The following MROH2A variants were observed in gnomAD, a reference collection of about 807,000 sequenced individuals.
The protein encoded by MROH2A is maestro heat like repeat family member 2A.
In MROH2A, 174 loss-of-function variants were observed where a neutral mutation model predicts 200.4. That is an observed-to-expected ratio of 0.87 (90% CI 0.77 to 0.98). The LOEUF (loss-of-function observed/expected upper bound fraction) is 0.98, where lower values mean the gene tolerates loss of function less well. Ranked by LOEUF, MROH2A falls within the 50% of genes least tolerant of loss-of-function variation. The pLI, the probability that MROH2A is intolerant of heterozygous loss-of-function variation, is 0.00. For synonymous variants in MROH2A, 829 were observed against 840.4 expected (o/e 0.99, Z 0.23); for missense variants, 2,045 against 2,139.6 (o/e 0.96, Z 0.87).
Position 233,778,402 on chromosome 2 carries a change from A to G in MROH2A, c.-94A>G. 5.9e-6 allele frequency: 1 copy of G among 169,358 alleles called. No individual in the cohort carries two copies. The allele number at this position is 169,358 out of a possible 1,614,324, so 10.5% of individuals were successfully genotyped here. A position where few individuals can be genotyped will look rare whatever the true frequency, so the allele number is the denominator to read the frequency against. On this transcript the variant is annotated 5_prime_UTR_variant, in exon 1 of 42. Transcript: ENST00000389758. Reference sequence around the variant, plus strand: ...AACCAATTCTTCCATTTGCATTTCCATTGATGTGTATTGGGCCAAGAGCAG... The same window carrying G: ...AACCAATTCTTCCATTTGCATTTCCGTTGATGTGTATTGGGCCAAGAGCAG...
At chr2:233,819,517 T>C in intron 30 of MROH2A, 48 bp downstream of exon 30, 2 of 1,531,432 alleles carry the variant, frequency 1.3e-6, no homozygotes, top group Non-Finnish European at 1.8e-6. Context: ...TGGGGCTGCC[T>C]GGTGTGCCCA....
At position 233,801,950 on chromosome 2, in the gene MROH2A, G is replaced by A. The variant is rs1275041026; in HGVS notation, c.1561-218G>A. On this transcript the variant is annotated intron_variant, in intron 14 of 41. Coordinates refer to ENST00000389758, the MANE Select transcript of MROH2A (RefSeq NM_001394639.1). ...CAACAGGGATGCTGGCCCCAGCAGG[G>A]ACTAGCAGACTCTCTTGCCACATCA... 2.6e-5 allele frequency among the ~76,000 whole-genome samples: 4 copies of A among 152,170 alleles called. No individual in the cohort carries two copies. The East Asian group carries it at 5.8e-4, about 22-fold the overall frequency.
At chr2:233,811,981 ACC>A in intron 24 of MROH2A, 22 bp downstream of exon 24, 1 of 1,515,882 alleles carries the variant, frequency 6.6e-7, no homozygotes, top group Non-Finnish European at 9.0e-7. Context: ...TCCCACCCTC[ACC>A]CCATCCCAAG....
At chr2:233,822,744 C>T in intron 33 of MROH2A, 137 bp from the exon 34 acceptor site, 1 of 1,224,738 alleles carries the variant, frequency 8.2e-7, no homozygotes, top group Non-Finnish European at 1.1e-6. Context: ...CAGATCCACT[C>T]CCTCCCTGGA....
At chr2:233,779,510 A>T (rs1423012144) in intron 2 of MROH2A, 58 bp downstream of exon 2, 1 of 1,427,242 alleles carries the variant, frequency 7.0e-7, no homozygotes, top group African/African-American at 1.4e-5. Flanking sequence ...TAACTCTTTG[A>T]CTGCAGCCCC....
intron 12 of MROH2A, among the ~76,000 whole-genome samples, 159 bp from the exon 13 acceptor site, chr2:233,799,621 A>G (rs1329850286): frequency 6.6e-6 from 1 of 152,076 alleles, no homozygotes; most frequent in African/African-American, 2.4e-5. Flanking sequence ...GGACCCCTGG[A>G]TGAGGCAGGG....
chr2:233,828,380 T>C lies in MROH2A; in HGVS notation c.4114-250T>C, dbSNP rs1371148485. ...CTGTTATGTTACCTGAAAAAATAAATGACGAATTTATATATATACGTAACA... is the reference window on the plus strand; with the variant it reads ...CTGTTATGTTACCTGAAAAAATAAACGACGAATTTATATATATACGTAACA... On this transcript the variant is annotated intron_variant, in intron 35 of 41. Coordinates refer to ENST00000389758, the MANE Select transcript of MROH2A (RefSeq NM_001394639.1). The surrounding 1 kb of genome is among the most constrained non-coding windows in gnomAD (Gnocchi z 4.6). Among the ~76,000 whole-genome samples, 4 of 152,164 alleles carry C rather than the reference T, an allele frequency of 2.6e-5. No individual in the cohort carries two copies. The highest frequency in any genetic ancestry group is 7.2e-5 in the African/African-American group (3 of 41,446).
At chr2:233,776,094 T>C (rs1700697175), upstream of MROH2A, among the ~76,000 whole-genome samples, 1 of 152,216 alleles carries the variant, frequency 6.6e-6, no homozygotes, top group African/African-American at 2.4e-5. Flanking sequence ...CAGTCCTGGG[T>C]ATTTCTTCAT....
In MROH2A at chr2:233,833,139, C is replaced by A. The variant is rs1312738743; in HGVS notation, c.4905C>A (p.Ser1635=). 6.5e-6 allele frequency: 10 copies of A among 1,543,368 alleles called. No homozygotes were observed. The highest frequency in any genetic ancestry group is 1.2e-5 in the South Asian group (1 of 82,778). ...KKLDFPALRN[S]LQELQLDPDP... is the part of the protein sequence containing the mutation. ...TTCCCTCTTTGTGTTCTCTCTCAGC[C>A]CTCCAGGAACTACAGCTGGACCCGG... is the stretch of plus-strand genomic sequence containing the variant. The change falls in exon 42 of 42, where the codon TCC becomes TCA. Residue 1635 remains serine, a splice_region_variant and synonymous_variant. Coordinates refer to ENST00000389758, the MANE Select transcript of MROH2A (RefSeq NM_001394639.1).
intron 24 of MROH2A, among the ~76,000 whole-genome samples, chr2:233,813,051 G>A (rs1703280029): frequency 6.6e-6 from 1 of 152,146 alleles, no homozygotes; most frequent in Admixed American, 6.5e-5. Context: ...GTCCCTGGGG[G>A]TCCTTAAAAA....
rs900843182 is a variant in MROH2A at position 233,792,895 on chromosome 2, G to A, written c.670+1G>A. 5.2e-6 allele frequency: 8 copies of A among 1,550,352 alleles called. No homozygotes were observed. The highest frequency in any genetic ancestry group is 6.1e-6 in the Non-Finnish European group (7 of 1,147,012). On this transcript the variant is annotated splice_donor_variant, in intron 6 of 41. Coordinates refer to ENST00000389758, the MANE Select transcript of MROH2A (RefSeq NM_001394639.1). LOFTEE classifies it high-confidence loss of function. ...AAGATACGCCAGGCGATCTGCAGTG[G>A]TGAGTGTCCCACTTGAGCCTGCAGG... is the stretch of plus-strand genomic sequence containing the variant.
At chr2:233,796,090 CAGG>C in intron 10 of MROH2A, 45 bp downstream of exon 10, 1 of 1,540,910 alleles carries the variant, frequency 6.5e-7, no homozygotes, top group Non-Finnish European at 8.8e-7. Flanking sequence ...CCGAGGCCTG[CAGG>C]AGGCCTGTAG....
intron 28 of MROH2A, 131 bp downstream of exon 28, chr2:233,818,256 G>A: frequency 8.7e-7 from 1 of 1,144,960 alleles, no homozygotes; most frequent in South Asian, 1.5e-5. Flanking sequence ...ACAAACACAG[G>A]TGACCATCAG....
chr2:233,817,853 G>A (rs1703643745), intron 27 of MROH2A, 149 bp from the exon 28 acceptor site: 1 of 928,038 alleles, frequency 1.1e-6, no homozygotes, highest in Non-Finnish European at 1.6e-6. Context: ...TGCTTGGACA[G>A]GGGACAGACA....
chr2:233,803,476 G>A lies in MROH2A; in HGVS notation c.1737G>A (p.Leu579=), dbSNP rs1239402687. The A allele has an allele frequency of 1.3e-6, 2 of 1,550,372 alleles. No individual in the cohort carries two copies. Among genetic ancestry groups the A allele is most frequent in the African/African-American group, 2.7e-5 (2 of 73,042 alleles). The part of the protein sequence containing the change: ...QVDLPAPQKL[L]ARLLVLMSSP... ...ACCTGCCTGCACCTCAGAAGCTGCT[G>A]GCCCGTCTCCTGGTGAGTGGCTGAC... Residue 579 remains leucine (L), a synonymous_variant, in exon 16 of 42, where the codon CTG becomes CTA. Coordinates refer to ENST00000389758, the MANE Select transcript of MROH2A (RefSeq NM_001394639.1).
chr2:233,827,497 A>G (rs1704394957), intron 35 of MROH2A, among the ~76,000 whole-genome samples: 1 of 152,180 alleles, frequency 6.6e-6, no homozygotes, highest in South Asian at 2.1e-4. Context: ...ACATGTTCTC[A>G]CTTATAAGTG....
intron 5 of MROH2A, among the ~76,000 whole-genome samples, chr2:233,790,752 T>C (rs1701710431): frequency 6.6e-6 from 1 of 150,828 alleles, no homozygotes; most frequent in South Asian, 2.1e-4. Flanking sequence ...GCTGAGCTCC[T>C]ACTCCATGCA....
intron 14 of MROH2A, among the ~76,000 whole-genome samples, chr2:233,800,618 CGTGTGTGTGTGTAT>C (rs1702404097): frequency 8.3e-6 from 1 of 120,844 alleles, no homozygotes; most frequent in Non-Finnish European, 1.7e-5. Flanking sequence ...CTTTAAGGCC[CGTGTGTGTGTGTAT>C]GTGTGTGTGT....
At chr2:233,829,901 TC>T in intron 38 of MROH2A, 126 bp downstream of exon 38, 3 of 901,970 alleles carry the variant, frequency 3.3e-6, no homozygotes, top group South Asian at 4.3e-5. Flanking sequence ...TTCTCTGAGA[TC>T]CCAGAGGCCA....
Sources: allele counts gnomAD v4.1 joint callset (sites outside exome capture counted in the v4.1 genomes callset), GRCh38; gene constraint gnomAD v4.1.1; non-coding constraint Gnocchi (gnomAD v3.1); transcripts MANE v1.5; gene names NCBI Gene and HGNC (gene_info 2026-07-23, HGNC 2026-07-21).